Variants in SMIM14 observed in about 807,000 individuals in gnomAD.
SMIM14 encodes the protein small integral membrane protein 14, also known as chromosome 4 open reading frame 34.
In SMIM14, 5 loss-of-function variants were observed where a neutral mutation model predicts 12.6. The observed-to-expected ratio is 0.40, with a 90% CI of 0.21 to 0.83. SMIM14 has a LOEUF of 0.83. Among genes scored for constraint, SMIM14 ranks in the 40% least tolerant of loss-of-function variants. The probability of loss-of-function intolerance (pLI) is 0.37; values close to 1 mark genes in which losing one functional copy is unlikely to be tolerated. For missense variants in SMIM14, 86 were observed against 119.1 expected (o/e 0.72, Z 1.29); for synonymous variants, 30 against 40.1 (o/e 0.75, Z 0.95).
intron 1 of SMIM14, among the ~76,000 whole-genome samples, chr4:39,613,157 A>G (rs1715096937): frequency 6.6e-6 from 1 of 152,214 alleles, no homozygotes; most frequent in Non-Finnish European, 1.5e-5. Context: ...AATCTTAGTC[A>G]TCATCATCTC....
chr4:39,579,406 C>T (rs1290956569), intron 2 of SMIM14, among the ~76,000 whole-genome samples: 1 of 84,490 alleles, frequency 1.2e-5, no homozygotes, highest in Non-Finnish European at 2.8e-5. Context: ...TGAGACAGTG[C>T]CTCCAAAAAA....
chr4:39,622,071 C>T (rs1394418131), intron 1 of SMIM14, among the ~76,000 whole-genome samples: 1 of 151,986 alleles, frequency 6.6e-6, no homozygotes, highest in Non-Finnish European at 1.5e-5. Context: ...ATAGCAAATG[C>T]ACTTTTTTGT....
At chr4:39,567,368 C>G (rs2110000093) in intron 3 of SMIM14, among the ~76,000 whole-genome samples, 1 of 152,152 alleles carries the variant, frequency 6.6e-6, no homozygotes, top group Middle Eastern at 3.4e-3. Flanking sequence ...CTTTGGGAGG[C>G]CAAGGCAGGT....
intron 2 of SMIM14, among the ~76,000 whole-genome samples, chr4:39,596,262 A>C (rs2110046507): frequency 6.6e-6 from 1 of 151,946 alleles, no homozygotes; most frequent in Admixed American, 6.6e-5. Context: ...CGCCTGGCTA[A>C]TTTTGCATTT....
At chr4:39,555,733 GGGAAAATGA>G (rs1711977203) in intron 4 of SMIM14, among the ~76,000 whole-genome samples, 1 of 152,126 alleles carries the variant, frequency 6.6e-6, no homozygotes, top group Non-Finnish European at 1.5e-5. Flanking sequence ...GAAATAGGAT[GGGAAAATGA>G]GGAAAATAAA....
chr4:39,608,741 A>C (rs1377357071), intron 1 of SMIM14, among the ~76,000 whole-genome samples: 2 of 152,216 alleles, frequency 1.3e-5, no homozygotes, highest in Non-Finnish European at 2.9e-5. Context: ...CTGTGAATGT[A>C]ATTAATGTCA....
rs78008817 is a variant in SMIM14 at position 39,572,000 on chromosome 4, C to T, written c.124+415G>A. Among the ~76,000 whole-genome samples the T allele has an allele frequency of 4.2e-3, 634 of 151,988 alleles. 24 individuals are homozygous for T. In the East Asian group the frequency reaches 0.1, roughly 24 times the overall value. Reference sequence around the variant, plus strand: ...TGTATTTTTTGTAGAGACAGGGTTTCCCCGTGTTGCCCAGGGTAATCTCAA... The same window carrying T: ...TGTATTTTTTGTAGAGACAGGGTTTTCCCGTGTTGCCCAGGGTAATCTCAA... On this transcript the variant is annotated intron_variant, in intron 3 of 4. Transcript: ENST00000295958.
chr4:39,568,047 G>T (rs1712670519), intron 3 of SMIM14, among the ~76,000 whole-genome samples: 1 of 152,128 alleles, frequency 6.6e-6, no homozygotes, highest in Non-Finnish European at 1.5e-5. Flanking sequence ...GGAGGCGGAG[G>T]TGGGTGGATC....
chr4:39,585,925 TC>T (rs1713762860), intron 2 of SMIM14, among the ~76,000 whole-genome samples: 1 of 152,076 alleles, frequency 6.6e-6, no homozygotes, highest in South Asian at 2.1e-4. Flanking sequence ...AATGTCCAGA[TC>T]ATTCTTCCCT....
At chr4:39,568,095 T>C (rs1677134933) in intron 3 of SMIM14, among the ~76,000 whole-genome samples, 1 of 152,050 alleles carries the variant, frequency 6.6e-6, no homozygotes, top group Admixed American at 6.6e-5. Context: ...CTGGCCAACA[T>C]GGCGAAACCC....
intron 2 of SMIM14, among the ~76,000 whole-genome samples, chr4:39,596,886 T>C (rs1023628903): frequency 6.6e-6 from 1 of 152,110 alleles, no homozygotes. Context: ...AGCAATCCTC[T>C]GACCTCAGCC....
intron 1 of SMIM14, among the ~76,000 whole-genome samples, chr4:39,618,561 A>T (rs1412500354): frequency 6.7e-6 from 1 of 148,400 alleles, no homozygotes; most frequent in African/African-American, 2.5e-5. Flanking sequence ...TGAGGCAGAG[A>T]CTTGCTTGAA....
Position 39,630,332 on chromosome 4 carries a change from G to A in SMIM14, c.-36+8407C>T, listed in dbSNP as rs533017293. 4.3e-4 allele frequency among the ~76,000 whole-genome samples: 65 copies of A among 152,264 alleles called. 1 individual carries two copies. Among genetic ancestry groups the A allele is most frequent in the Admixed American group, 4.3e-3 (65 of 15,290 alleles). ...GAGAAGGGAGGATAACTTGAGCCCA[G>A]GAGTTCAAGGCTACCGTGAGCTATG... On this transcript the variant is annotated intron_variant, in intron 1 of 4. Coordinates refer to ENST00000295958, the MANE Select transcript of SMIM14 (RefSeq NM_174921.3).
At chr4:39,590,068 A>C (rs1713986341) in intron 2 of SMIM14, among the ~76,000 whole-genome samples, 1 of 151,192 alleles carries the variant, frequency 6.6e-6, no homozygotes, top group Non-Finnish European at 1.5e-5. Flanking sequence ...AGTTACAAGG[A>C]AATATCTGAT....
intron 2 of SMIM14, among the ~76,000 whole-genome samples, chr4:39,582,664 CAAA>C (rs754978694): frequency 1.5e-5 from 2 of 129,352 alleles, no homozygotes; most frequent in African/African-American, 6.0e-5. Context: ...AACTCCATTT[CAAA>C]AAAAAAAAGA....
At chr4:39,625,619 T>C (rs931303962) in intron 1 of SMIM14, among the ~76,000 whole-genome samples, 7 of 152,126 alleles carry the variant, frequency 4.6e-5, no homozygotes, top group Non-Finnish European at 1.0e-4. Flanking sequence ...TTTTGTACTT[T>C]TAGTAGAGAC....
At chr4:39,575,778 A>C (rs1303383753) in intron 2 of SMIM14, among the ~76,000 whole-genome samples, 2 of 140,390 alleles carry the variant, frequency 1.4e-5, no homozygotes. Context: ...GTATTTTTGT[A>C]GAGATGGGGT....
intron 4 of SMIM14, among the ~76,000 whole-genome samples, chr4:39,555,794 A>AG (rs1711981241): frequency 6.6e-6 from 1 of 152,208 alleles, no homozygotes; most frequent in Non-Finnish European, 1.5e-5. Flanking sequence ...CTAGGACAGA[A>AG]GGGGGTCAAA....
intron 1 of SMIM14, 113 bp from the exon 2 acceptor site, chr4:39,605,293 G>A: frequency 1.8e-6 from 1 of 542,168 alleles, no homozygotes; most frequent in Non-Finnish European, 3.2e-6. Flanking sequence ...ACTATGTATA[G>A]TTTGTATTTA....
Sources: gnomAD v4.1 joint callset for allele counts (sites outside exome capture counted in the v4.1 genomes callset) on GRCh38, gnomAD v4.1.1 for gene constraint, MANE v1.5 for transcripts, NCBI Gene and HGNC (gene_info 2026-07-23, HGNC 2026-07-21) for gene names.